USP26: variants seen among roughly 807,000 people sequenced by gnomAD.
USP26 encodes ubiquitin specific peptidase 26, also known as ubiquitin carboxyl-terminal hydrolase 26.
For synonymous variants in USP26, 236 were observed against 240.6 expected, an observed-to-expected ratio of 0.98 and a Z score of 0.18; for missense variants, 649 against 642.3, an observed-to-expected ratio of 1.01 and a Z score of -0.11.
intron 5 of USP26, among the ~76,000 whole-genome samples, chrX:133,043,723 T>C (rs1031032986): frequency 9.0e-6 from 1 of 110,964 alleles, no homozygotes; most frequent in African/African-American, 3.3e-5. Flanking sequence ...CTGGGCAACA[T>C]AGCAAGACTC....
At chrX:133,032,695 C>T (rs1036492674) in intron 5 of USP26, among the ~76,000 whole-genome samples, 2 of 111,220 alleles carry the variant, frequency 1.8e-5, no homozygotes, top group African/African-American at 3.3e-5. Flanking sequence ...CATAAGTAAC[C>T]GAGTAAGAGG....
rs778825409 is a variant in USP26 at position 133,026,721 on chromosome X, C to G, written c.1500G>C (p.Glu500Asp). The G allele has an allele frequency of 8.3e-7, 1 of 1,210,509 alleles. No homozygotes were observed. ...AGTGCACTCCAACGGAAGTCTTGTG[C>G]TCACATTTTGCACATTTATACTCAA... Reference protein sequence around the residue: ...EELEYKCAKCEHKTSVGVHSF... With the variant: ...EELEYKCAKCDHKTSVGVHSF... Residue 500 changes from glutamate to aspartate, a missense_variant, in exon 6 of 6, where the codon GAG (glutamate) becomes GAC (aspartate). By Grantham distance (45) the Glu-to-Asp change is conservative. Transcript: ENST00000511190.
At chrX:133,040,858 T>C (rs967511525) in intron 5 of USP26, among the ~76,000 whole-genome samples, 3 of 111,215 alleles carry the variant, frequency 2.7e-5, no homozygotes, top group Non-Finnish European at 5.7e-5. Context: ...TCTTTTCACA[T>C]AGTCCCATAT....
At position 133,027,585 on chromosome X, in the gene USP26, C is replaced by A. The variant is rs1436145416; in HGVS notation, c.636G>T (p.Arg212Ser). ...GTTTCTCTCGATTATAGCTTACACA[C>A]CTCGAACAATCTGCCTTGGATTTCT... Reference protein sequence around the residue: ...EYKKSKADCSRCVSYNREKQL... With the variant: ...EYKKSKADCSSCVSYNREKQL... The change falls in exon 6 of 6, where the codon AGG becomes AGT. Residue 212 changes from arginine to serine, a missense_variant. Transcript: ENST00000511190. The A allele has an allele frequency of 8.3e-7, 1 of 1,209,771 alleles. No homozygotes were observed. Among genetic ancestry groups the A allele is most frequent in the Admixed American group, 2.2e-5 (1 of 45,930 alleles).
At chrX:133,057,717 T>C (rs767761236) in intron 5 of USP26, among the ~76,000 whole-genome samples, 3 of 103,859 alleles carry the variant, frequency 2.9e-5, no homozygotes, top group Non-Finnish European at 5.9e-5. Flanking sequence ...AATTTATCTG[T>C]ACACTCTGTT....
rs142242015 is a variant in USP26 at position 133,090,946 on chromosome X, C to A, written c.-301-183G>T. ...TAGCATGCAAACCCCAAATCTTTGT[C>A]CCCAGCTTCCAATGCCTGAATTCAT... On this transcript the variant is annotated intron_variant, in intron 2 of 5. Transcript: ENST00000511190. Among the ~76,000 whole-genome samples the A allele has an allele frequency of 5.7e-4, 64 of 112,297 alleles. 1 individual carries two copies. In the East Asian group the frequency reaches 0.016, roughly 27 times the overall value.
chrX:133,086,473 G>A (rs2067589163), intron 4 of USP26, among the ~76,000 whole-genome samples: 1 of 109,963 alleles, frequency 9.1e-6, no homozygotes, highest in Admixed American at 9.7e-5. Context: ...AGCCAGGCAT[G>A]GTGGCACACA....
chrX:133,062,528 C>T (rs111324157), intron 5 of USP26, among the ~76,000 whole-genome samples: 3,440 of 111,641 alleles, frequency 0.031, 75 homozygotes, highest in East Asian at 0.096. Flanking sequence ...GGCAACAGGC[C>T]GGCACCCTTC....
At chrX:133,038,479 A>G (rs2067404677) in intron 5 of USP26, among the ~76,000 whole-genome samples, 1 of 111,662 alleles carries the variant, frequency 9.0e-6, no homozygotes, top group Non-Finnish European at 1.9e-5. Context: ...ATTGATTTGC[A>G]TATGTTTAAC....
chrX:133,037,431 A>T (rs2067399917), intron 5 of USP26, among the ~76,000 whole-genome samples: 1 of 112,332 alleles, frequency 8.9e-6, no homozygotes, highest in African/African-American at 3.2e-5. Context: ...TTAAATAGGG[A>T]ATCCTTTCCC....
At chrX:133,066,668 A>C (rs2067512847) in intron 5 of USP26, among the ~76,000 whole-genome samples, 1 of 112,255 alleles carries the variant, frequency 8.9e-6, no homozygotes, top group Non-Finnish European at 1.9e-5. Context: ...CTGGCTAGTG[A>C]TATGCAGAAA....
At chrX:133,033,093 A>C (rs758434735) in intron 5 of USP26, among the ~76,000 whole-genome samples, 2 of 111,574 alleles carry the variant, frequency 1.8e-5, no homozygotes, top group East Asian at 5.6e-4. Context: ...GACAGCAGGC[A>C]GAAGGGGAAA....
intron 5 of USP26, among the ~76,000 whole-genome samples, chrX:133,073,886 G>A (rs2067538716): frequency 9.0e-6 from 1 of 111,381 alleles, no homozygotes; most frequent in Non-Finnish European, 1.9e-5. Flanking sequence ...TGGTCACCGA[G>A]ATTCCTGACC....
In USP26 at chrX:133,027,845, C is replaced by G. The variant is rs886847481; in HGVS notation, c.376G>C (p.Glu126Gln). 73 of 1,203,630 alleles carry G rather than the reference C, an allele frequency of 6.1e-5. No individual in the cohort carries two copies. Among genetic ancestry groups the G allele is most frequent in the Non-Finnish European group, 8.2e-5 (73 of 891,896 alleles). ...TTGTGGAATGAAGTTTTGTTGATTT[C>G]CTTCTGTGTTGTGCTAGAAAAGACA... Reference protein sequence around the residue: ...GSVFSSTTQKEINKTSFHKVD... With the variant: ...GSVFSSTTQKQINKTSFHKVD... Residue 126 changes from glutamate to glutamine, a missense_variant, in exon 6 of 6, where the codon GAA becomes CAA. Transcript: ENST00000511190.
intron 5 of USP26, among the ~76,000 whole-genome samples, chrX:133,052,436 G>A (rs780182202): frequency 8.9e-6 from 1 of 112,126 alleles, no homozygotes; most frequent in African/African-American, 3.2e-5. Context: ...GGGAGTGAAT[G>A]TGTTTGTGAC....
chrX:133,072,827 C>G (rs2067534973), intron 5 of USP26, among the ~76,000 whole-genome samples: 1 of 112,002 alleles, frequency 8.9e-6, no homozygotes, highest in Admixed American at 9.5e-5. Context: ...TGAGGAGACC[C>G]TTTCATAGCA....
At chrX:133,071,148 C>T (rs553506098) in intron 5 of USP26, among the ~76,000 whole-genome samples, 3 of 110,727 alleles carry the variant, frequency 2.7e-5, no homozygotes, top group South Asian at 3.9e-4. Context: ...ACCCAGGAGG[C>T]GGATGTTGCA....
intron 4 of USP26, 133 bp downstream of exon 4, chrX:133,089,980 T>C (rs965865770): frequency 1.8e-5 from 2 of 112,048 alleles, no homozygotes; most frequent in Non-Finnish European, 3.8e-5. Context: ...AAAAATTAGC[T>C]GAGTGTGGTG....
At chrX:133,055,757 T>C (rs1322997746) in intron 5 of USP26, among the ~76,000 whole-genome samples, 1 of 111,812 alleles carries the variant, frequency 8.9e-6, no homozygotes, top group African/African-American at 3.3e-5. Context: ...CCTCTCTTCC[T>C]GACTTGCAGA....
Sources: gnomAD v4.1 joint callset for allele counts (sites outside exome capture counted in the v4.1 genomes callset) on GRCh38, gnomAD v4.1.1 for gene constraint, MANE v1.5 for transcripts, NCBI Gene and HGNC (gene_info 2026-07-23, HGNC 2026-07-21) for gene names.